FBXL5: variants seen among roughly 807,000 people sequenced by gnomAD.
The protein encoded by FBXL5 is F-box/LRR-repeat protein 5.
In FBXL5, 26 loss-of-function variants were observed where a neutral mutation model predicts 78.3. The observed-to-expected ratio is 0.33, with a 90% CI of 0.24 to 0.46. The LOEUF is 0.46. Among genes scored for constraint, FBXL5 ranks in the 20% least tolerant of loss-of-function variants. The probability of loss-of-function intolerance (pLI) is 1.00; values close to 1 mark genes in which losing one functional copy is unlikely to be tolerated. For synonymous variants in FBXL5, 295 were observed against 282.5 expected, an observed-to-expected ratio of 1.04 and a Z score of -0.45; for missense variants, 710 against 829.2, an observed-to-expected ratio of 0.86 and a Z score of 1.77.
At chr4:15,674,600 T>A (rs75413730) in intron 1 of FBXL5, among the ~76,000 whole-genome samples, 5,552 of 152,200 alleles carry the variant, frequency 0.036, 211 homozygotes, top group East Asian at 0.23. Context: ...TCTTTTCTCC[T>A]TATCAACTCA....
chr4:15,664,748 G>A (rs1357961972), upstream of FBXL5, among the ~76,000 whole-genome samples: 2 of 151,428 alleles, frequency 1.3e-5, no homozygotes, highest in South Asian at 2.1e-4. Flanking sequence ...TAGTAGAGGC[G>A]AGGTTTCACC....
Position 15,666,200 on chromosome 4 carries a change from AC to A in FBXL5, c.-283-6279del, listed in dbSNP as rs1466324187. ...GATCACTTGAGCCCAGGAGTTCAAA[AC>A]CAGCCTAGGCAACATAAGTAGACTC... On this transcript the variant is annotated intron_variant, in intron 1 of 4. Coordinates refer to the FBXL5 transcript ENST00000507899. Among the ~76,000 whole-genome samples, 3 of 152,128 alleles carry A rather than the reference AC, an allele frequency of 2.0e-5. No homozygotes were observed. The East Asian group carries it at 5.8e-4, about 29-fold the overall frequency.
chr4:15,654,951 G>T (rs1716673146), intron 1 of FBXL5, among the ~76,000 whole-genome samples: 1 of 151,838 alleles, frequency 6.6e-6, no homozygotes, highest in Admixed American at 6.6e-5. Context: ...CTCCTCAGCC[G>T]CCAGGCCCTC....
intron 10 of FBXL5, among the ~76,000 whole-genome samples, chr4:15,606,548 A>T (rs1011059696): frequency 6.6e-6 from 1 of 152,200 alleles, no homozygotes; most frequent in African/African-American, 2.4e-5. Flanking sequence ...AAGAAGTTTC[A>T]CAGCACATAT....
chr4:15,621,801 T>G lies in FBXL5; in HGVS notation c.1850+3451A>C, dbSNP rs532887183. Among the ~76,000 whole-genome samples, 7 of 152,322 alleles carry G rather than the reference T, an allele frequency of 4.6e-5. No individual in the cohort carries two copies. In the South Asian group the frequency reaches 1.4e-3, roughly 32 times the overall value. ...CTGTTCCCTATGGTTTCAAACTAAC[T>G]AAAACCTTATCAATTTAACATTCTC... is the stretch of plus-strand genomic sequence containing the variant. On this transcript the variant is annotated intron_variant, in intron 9 of 10. Coordinates refer to ENST00000341285, the MANE Select transcript of FBXL5 (RefSeq NM_012161.4).
rs200770772 is a variant in FBXL5 at position 15,625,575 on chromosome 4, T to C, written c.1527A>G (p.Thr509=). The change falls in exon 9 of 11, where the codon ACA becomes ACG. Residue 509 remains threonine (T), a synonymous_variant. Transcript: ENST00000341285. ...RNVESLCVME[T]ASNFSCSTSG... ...AGGTGGAACAACTAAAGTTGGATGC[T>C]GTTTCCATTACACAAAGACTTTCAA... 1.9e-6 allele frequency: 3 copies of C among 1,614,110 alleles called. No homozygotes were observed. The African/African-American group carries it at 4.0e-5, about 22-fold the overall frequency.
At chr4:15,664,435 C>T (rs961675116), upstream of FBXL5, among the ~76,000 whole-genome samples, 1 of 151,670 alleles carries the variant, frequency 6.6e-6, no homozygotes, top group African/African-American at 2.4e-5. Context: ...CCCAGGCACT[C>T]TTATGTGTCA....
At chr4:15,616,003 C>T (rs1000022359) in intron 9 of FBXL5, among the ~76,000 whole-genome samples, 1 of 152,174 alleles carries the variant, frequency 6.6e-6, no homozygotes, top group South Asian at 2.1e-4. Context: ...TCTGCAGCTT[C>T]ACTCCTGAGC....
chr4:15,627,105 T>C, intron 7 of FBXL5, 150 bp from the exon 8 acceptor site: 1 of 454,474 alleles, frequency 2.2e-6, no homozygotes, highest in Non-Finnish European at 4.0e-6. Flanking sequence ...TAATAAAATA[T>C]TCTGGGCTCA....
At chr4:15,625,147 T>C in intron 9 of FBXL5, 105 bp downstream of exon 9, 3 of 1,309,780 alleles carry the variant, frequency 2.3e-6, no homozygotes, top group Non-Finnish European at 3.1e-6. Flanking sequence ...TAATCCTTTT[T>C]GCTAAGTAAA....
Position 15,630,801 on chromosome 4 carries a change from G to C in FBXL5, c.767-10C>G. On this transcript the variant is annotated splice_polypyrimidine_tract_variant and intron_variant, in intron 5 of 10. Transcript: ENST00000341285. The stretch of plus-strand genomic sequence containing the variant: ...CCACTATACCAGTCACCTACTCAAT[G>C]AATAAACAAGTAAAAGGTTCAAAAT... 1.9e-6 allele frequency: 3 copies of C among 1,602,284 alleles called. No homozygotes were observed. Among genetic ancestry groups the C allele is most frequent in the Non-Finnish European group, 8.5e-7 (1 of 1,178,966 alleles).
At chr4:15,646,629 T>C (rs1223937382) in intron 1 of FBXL5, among the ~76,000 whole-genome samples, 3 of 152,040 alleles carry the variant, frequency 2.0e-5, no homozygotes, top group East Asian at 1.9e-4. Context: ...ATGTGCCATG[T>C]TGGTGTGCTG....
chr4:15,625,785 C>T lies in FBXL5; in HGVS notation c.1317G>A (p.Gln439=), dbSNP rs1712983455. ...GCAAACAGGCATACTGCTTGGTGGA[C>T]TGCATGGTAATGTCTTTATTTTTCC... ...TAWKNKDITM[Q]STKQYACLHD... Residue 439 remains glutamine (Q), a synonymous_variant, in exon 9 of 11, where the codon CAG becomes CAA. Transcript: ENST00000341285. 1.2e-6 allele frequency: 2 copies of T among 1,614,144 alleles called. No homozygotes were observed. The highest frequency in any genetic ancestry group is 4.5e-5 in the East Asian group (2 of 44,876).
chr4:15,623,660 T>G (rs887712804), intron 9 of FBXL5, among the ~76,000 whole-genome samples: 1 of 152,160 alleles, frequency 6.6e-6, no homozygotes, highest in African/African-American at 2.4e-5. Flanking sequence ...AAACTCAGAA[T>G]AAAGTTATCT....
intron 3 of FBXL5, 32 bp from the exon 4 acceptor site, chr4:15,638,726 T>A: frequency 7.2e-7 from 1 of 1,388,248 alleles, no homozygotes; most frequent in Non-Finnish European, 1.0e-6. Flanking sequence ...CGAGGAAAGA[T>A]GCTTCATTCG....
At chr4:15,606,614 A>G (rs1721904061) in intron 10 of FBXL5, among the ~76,000 whole-genome samples, 1 of 152,234 alleles carries the variant, frequency 6.6e-6, no homozygotes, top group African/African-American at 2.4e-5. Context: ...GCAAATGTGG[A>G]AAAGATTGTT....
chr4:15,653,188 A>G (rs956650189), intron 1 of FBXL5, among the ~76,000 whole-genome samples: 1 of 152,108 alleles, frequency 6.6e-6, no homozygotes, highest in Non-Finnish European at 1.5e-5. Context: ...CAACAATCTC[A>G]TTAACTATAT....
At position 15,636,653 on chromosome 4, in the gene FBXL5, T is replaced by C. The variant is rs1714310407; in HGVS notation, c.607A>G (p.Thr203Ala). 1 of 1,602,006 alleles carries C rather than the reference T, an allele frequency of 6.2e-7. No individual in the cohort carries two copies. The highest frequency in any genetic ancestry group is 8.5e-7 in the Non-Finnish European group (1 of 1,173,176). The part of the protein sequence containing the change: ...DKEAEVSEHS[T>A]GITHLPPEVM... ...TCAGGAGGAAGATGGGTTATACCTGTGGAGTGTTCTGACACTTCTGCTTCT... is the reference window on the plus strand; with the variant it reads ...TCAGGAGGAAGATGGGTTATACCTGCGGAGTGTTCTGACACTTCTGCTTCT... The change falls in exon 5 of 11, where the codon ACA becomes GCA. Residue 203 changes from threonine (T) to alanine (A), a missense_variant. Coordinates refer to ENST00000341285, the MANE Select transcript of FBXL5 (RefSeq NM_012161.4).
intron 1 of FBXL5, among the ~76,000 whole-genome samples, chr4:15,670,801 C>G (rs368756838): frequency 6.6e-6 from 1 of 151,520 alleles, no homozygotes; most frequent in East Asian, 1.9e-4. Context: ...ACCTGCCTGA[C>G]TTAACTTCCT....
Sources: gnomAD v4.1 joint callset for allele counts (sites outside exome capture counted in the v4.1 genomes callset) on GRCh38, gnomAD v4.1.1 for gene constraint, MANE v1.5 for transcripts, NCBI Gene and HGNC (gene_info 2026-07-23, HGNC 2026-07-21) for gene names.